The following BCAS2 variants were observed in gnomAD, a reference collection of about 807,000 sequenced individuals.
BCAS2 encodes pre-mRNA-splicing factor SPF27.
A neutral mutation model predicts 35.3 loss-of-function variants in BCAS2; 34 were observed. The ratio of observed to expected loss-of-function variants is 0.96; its 90% CI spans 0.73 to 1.28. The LOEUF is 1.28. BCAS2 is among the 50% of genes most tolerant of loss of function. BCAS2 has a pLI of 0.00. For synonymous variants in BCAS2, 75 were observed against 91.6 expected (o/e 0.82, Z 1.03); for missense variants, 221 against 268.1 (o/e 0.82, Z 1.23).
intron 5 of BCAS2, 100 bp from the exon 6 acceptor site, chr1:114,570,172 C>A (rs1399614971): frequency 1.2e-6 from 1 of 810,112 alleles, no homozygotes. Context: ...CCCATGAGAA[C>A]AATATTATGT....
At chr1:114,572,355 G>A (rs1410710358) in intron 4 of BCAS2, among the ~76,000 whole-genome samples, 1 of 152,128 alleles carries the variant, frequency 6.6e-6, no homozygotes, top group Non-Finnish European at 1.5e-5. Context: ...CCAGACTTCT[G>A]ACCACTAACA....
chr1:114,579,075 A>G (rs895315938), intron 2 of BCAS2, among the ~76,000 whole-genome samples: 59 of 152,194 alleles, frequency 3.9e-4, no homozygotes, highest in African/African-American at 1.4e-3. Context: ...CAGGAGTTCG[A>G]GACCAGCCTG....
At chr1:114,581,158 T>A (rs185472307) in intron 2 of BCAS2, 141 bp downstream of exon 2, 1 of 827,190 alleles carries the variant, frequency 1.2e-6, no homozygotes, top group African/African-American at 1.7e-5. Flanking sequence ...ATCTATCTAG[T>A]TGTTTTCAAT....
chr1:114,570,548 A>G, intron 5 of BCAS2, 152 bp downstream of exon 5: 1 of 635,654 alleles, frequency 1.6e-6, no homozygotes, highest in South Asian at 2.1e-5. Context: ...CTACTTAGGT[A>G]GGGCAAACCC....
intron 2 of BCAS2, among the ~76,000 whole-genome samples, chr1:114,579,220 G>C (rs1654832645): frequency 6.6e-6 from 1 of 152,140 alleles, no homozygotes; most frequent in Non-Finnish European, 1.5e-5. Flanking sequence ...AGGTTGCAGT[G>C]AGCCGAGGAG....
In BCAS2 at chr1:114,577,882, C is replaced by T. The variant is rs111501519; in HGVS notation, c.187-1124G>A. Among the ~76,000 whole-genome samples, 691 of 152,288 alleles carry T rather than the reference C, an allele frequency of 4.5e-3. 3 individuals carry two copies. Among genetic ancestry groups the T allele is most frequent in the Middle Eastern group, 0.01 (3 of 294 alleles). On this transcript the variant is annotated intron_variant, in intron 2 of 6. Coordinates refer to ENST00000369541, the MANE Select transcript of BCAS2 (RefSeq NM_005872.3). ...ATAAGTATCAAAGGCCTTACAGAAGCCTGCATGAATGTTTAAAAGTTTTTA... is the reference window on the plus strand; with the variant it reads ...ATAAGTATCAAAGGCCTTACAGAAGTCTGCATGAATGTTTAAAAGTTTTTA...
At chr1:114,575,843 G>A (rs1654749367) in intron 3 of BCAS2, 92 bp from the exon 4 acceptor site, 1 of 1,364,868 alleles carries the variant, frequency 7.3e-7, no homozygotes, top group African/African-American at 1.5e-5. Flanking sequence ...TCTCCATATA[G>A]TATAAAAACT....
chr1:114,578,649 T>A (rs1003778252), intron 2 of BCAS2, among the ~76,000 whole-genome samples: 2 of 152,236 alleles, frequency 1.3e-5, no homozygotes, highest in Non-Finnish European at 2.9e-5. Flanking sequence ...TTTATCACTA[T>A]CATTCTCTGT....
At position 114,570,750 on chromosome 1, in the gene BCAS2, T is replaced by C; in HGVS notation, c.420A>G (p.Glu140=). 6.3e-7 allele frequency: 1 copy of C among 1,580,838 alleles called. No homozygotes were observed. The highest frequency in any genetic ancestry group is 2.2e-5 in the East Asian group (1 of 44,526). Residue 140 remains glutamate, a splice_region_variant and synonymous_variant, in exon 5 of 7, where the codon GAA becomes GAG. Coordinates refer to ENST00000369541, the MANE Select transcript of BCAS2 (RefSeq NM_005872.3). ...CGTGTTCAATCATATGAACTAGATT[T>C]CTGAAGGAAAAGAGGAAAATCAGAT... ...HGCNAWKVYN[E]NLVHMIEHAQ...
intron 4 of BCAS2, among the ~76,000 whole-genome samples, chr1:114,573,757 C>T (rs1654698977): frequency 6.6e-6 from 1 of 152,134 alleles, no homozygotes; most frequent in Admixed American, 6.5e-5. Context: ...TTTTTCCCCC[C>T]TTGCAATATA....
intron 3 of BCAS2, among the ~76,000 whole-genome samples, chr1:114,575,977 T>G (rs1654753541): frequency 6.6e-6 from 1 of 152,158 alleles, no homozygotes; most frequent in African/African-American, 2.4e-5. Flanking sequence ...TAAGCAACAT[T>G]ACATTCACAT....
intron 6 of BCAS2, among the ~76,000 whole-genome samples, chr1:114,569,283 A>T (rs1351304415): frequency 2.6e-5 from 4 of 152,078 alleles, no homozygotes. Flanking sequence ...TAAGACGTAC[A>T]TGGAGACGGT....
chr1:114,568,368 C>CATTT, intron 6 of BCAS2, 112 bp from the exon 7 acceptor site: 1 of 876,350 alleles, frequency 1.1e-6, no homozygotes, highest in Non-Finnish European at 1.6e-6. Context: ...CTAACCTTCA[C>CATTT]TTTTTTTTTT....
At chr1:114,573,474 C>T (rs1263957776) in intron 4 of BCAS2, among the ~76,000 whole-genome samples, 1 of 152,074 alleles carries the variant, frequency 6.6e-6, no homozygotes, top group African/African-American at 2.4e-5. Context: ...CTCAAGTGAT[C>T]CTCCTGTCTC....
At chr1:114,568,337 T>C (rs1654568572) in intron 6 of BCAS2, 81 bp from the exon 7 acceptor site, 3 of 1,443,508 alleles carry the variant, frequency 2.1e-6, no homozygotes, top group South Asian at 2.6e-5. Context: ...TGTATACACA[T>C]GTTCACCCAG....
chr1:114,575,936 AT>A (rs1248351860), intron 3 of BCAS2, among the ~76,000 whole-genome samples, 185 bp from the exon 4 acceptor site: 1 of 152,230 alleles, frequency 6.6e-6, no homozygotes, highest in Non-Finnish European at 1.5e-5. Flanking sequence ...ATTTAGCACC[AT>A]TATGTTCACT....
Position 114,581,481 on chromosome 1 carries a change from A to G in BCAS2, c.93+18T>C. ...GCCAGCTAGCAGTGAGTCAGCTACA[A>G]AGACACCCCGCACTCACCGCTTCCC... On this transcript the variant is annotated intron_variant, in intron 1 of 6. Transcript: ENST00000369541. The G allele has an allele frequency of 6.2e-7, 1 of 1,614,122 alleles. No individual in the cohort carries two copies. Among genetic ancestry groups the G allele is most frequent in the Non-Finnish European group, 8.5e-7 (1 of 1,180,012 alleles).
At chr1:114,569,337 C>T (rs1054493122) in intron 6 of BCAS2, among the ~76,000 whole-genome samples, 13 of 150,854 alleles carry the variant, frequency 8.6e-5, no homozygotes, top group African/African-American at 2.9e-4. Flanking sequence ...AGGGAATGGC[C>T]AAGCAAAAAG....
intron 4 of BCAS2, among the ~76,000 whole-genome samples, chr1:114,573,099 GT>G (rs1654679227): frequency 1.9e-5 from 1 of 51,904 alleles, no homozygotes; most frequent in Non-Finnish European, 3.2e-5. Context: ...GCAAGATTCT[GT>G]CCCGCCCCCC....
Sources: allele counts gnomAD v4.1 joint callset (sites outside exome capture counted in the v4.1 genomes callset), GRCh38; gene constraint gnomAD v4.1.1; transcripts MANE v1.5; gene names NCBI Gene and HGNC (gene_info 2026-07-23, HGNC 2026-07-21).